The following CACNA1E variants were observed in gnomAD, a reference collection of about 807,000 sequenced individuals.
CACNA1E encodes the protein calcium voltage-gated channel subunit alpha1 E.
In CACNA1E, 40 loss-of-function variants were observed where a neutral mutation model predicts 259.2. The ratio of observed to expected loss-of-function variants is 0.15; its 90% CI spans 0.12 to 0.20. The LOEUF (loss-of-function observed/expected upper bound fraction) is 0.20, where lower values mean the gene tolerates loss of function less well. Ranked by LOEUF, CACNA1E falls within the 10% of genes least tolerant of loss-of-function variation. The pLI is 1.00. For missense variants in CACNA1E, 1,874 were observed against 3,040.1 expected, an observed-to-expected ratio of 0.62 and a Z score of 9.02; for synonymous variants, 1,104 against 1,138.5, an observed-to-expected ratio of 0.97 and a Z score of 0.61.
intron 3 of CACNA1E, among the ~76,000 whole-genome samples, chr1:181,566,943 G>A (rs1324499424): frequency 6.6e-6 from 1 of 151,988 alleles, no homozygotes; most frequent in Non-Finnish European, 1.5e-5. Context: ...GTTGCCACAG[G>A]TATCTAGTGG....
rs771977705 is a variant in CACNA1E, at chr1:181,719,747, C to G, written c.1639-4C>G. 44 of 1,557,760 alleles carry G rather than the reference C, an allele frequency of 2.8e-5. No individual in the cohort carries two copies. The South Asian group carries it at 5.1e-4, about 18-fold the overall frequency. Reference sequence around the variant, plus strand: ...TCTCACTGTGGCTGGCATTGCCTCTCTAGGTCACAGTGGGCAGTATCTTTG... The same window carrying G: ...TCTCACTGTGGCTGGCATTGCCTCTGTAGGTCACAGTGGGCAGTATCTTTG... On this transcript the variant is annotated splice_polypyrimidine_tract_variant and splice_region_variant and intron_variant, in intron 12 of 47. Transcript: ENST00000367573.
At chr1:181,514,352 G>A (rs534092387) in intron 3 of CACNA1E, among the ~76,000 whole-genome samples, 1 of 152,290 alleles carries the variant, frequency 6.6e-6, no homozygotes, top group African/African-American at 2.4e-5. Flanking sequence ...TACCAACCAG[G>A]GAGGCAGGCA....
At chr1:181,478,137 A>G (rs1662985262) in intron 2 of CACNA1E, among the ~76,000 whole-genome samples, 1 of 152,238 alleles carries the variant, frequency 6.6e-6, no homozygotes, top group Non-Finnish European at 1.5e-5. Flanking sequence ...GGGTGTTCAG[A>G]TAACAGGATG....
intron 3 of CACNA1E, among the ~76,000 whole-genome samples, chr1:181,569,362 T>C (rs767921910): frequency 6.6e-5 from 10 of 152,206 alleles, no homozygotes; most frequent in African/African-American, 9.6e-5. Flanking sequence ...CTTGCAGCCA[T>C]CTGGGCTGGG....
chr1:181,583,557 T>A (rs112800366), intron 6 of CACNA1E, among the ~76,000 whole-genome samples: 2,392 of 152,348 alleles, frequency 0.016, 23 homozygotes, highest in Middle Eastern at 0.048. Context: ...TTAACCTTTT[T>A]ATATGCAATG....
At chr1:181,606,998 C>A (rs577047764) in intron 6 of CACNA1E, among the ~76,000 whole-genome samples, 1 of 152,314 alleles carries the variant, frequency 6.6e-6, no homozygotes, top group South Asian at 2.1e-4. Context: ...GGAATACTTA[C>A]CACCATTGTA....
chr1:181,570,028 A>G (rs1354955667), intron 3 of CACNA1E, among the ~76,000 whole-genome samples: 1 of 152,134 alleles, frequency 6.6e-6, no homozygotes, highest in East Asian at 1.9e-4. Context: ...GTGTTGGCTC[A>G]CAGAGTTAGA....
chr1:181,762,241 T>A (rs1456165889), intron 32 of CACNA1E, among the ~76,000 whole-genome samples: 5 of 152,356 alleles, frequency 3.3e-5, no homozygotes, highest in Admixed American at 1.3e-4. Flanking sequence ...CAATCATGCC[T>A]CCATAGAGGT....
rs144883324 is a variant in CACNA1E, at chr1:181,396,012, C to T, written c.-14-17121C>T. ...GCTAGTCCTGACTCATGATCTCTTG[C>T]GGGTTGAAATTAAGTTGTTAGCTGT... On this transcript the variant is annotated intron_variant, in intron 1 of 11. Transcript: ENST00000524607. 2.7e-3 allele frequency among the ~76,000 whole-genome samples: 410 copies of T among 152,254 alleles called. 2 individuals carry two copies. The highest frequency in any genetic ancestry group is 8.1e-3 in the African/African-American group (338 of 41,548).
chr1:181,364,998 C>G (rs369152606), intron 1 of CACNA1E, among the ~76,000 whole-genome samples: 24 of 152,106 alleles, frequency 1.6e-4, no homozygotes, highest in Non-Finnish European at 2.5e-4. Context: ...GCCAAGCCAC[C>G]CCTGTCCCAT....
At chr1:181,481,910 G>A (rs534110392), upstream of CACNA1E, among the ~76,000 whole-genome samples, 1 of 152,262 alleles carries the variant, frequency 6.6e-6, no homozygotes, top group South Asian at 2.1e-4. Flanking sequence ...ATGGGGGGCG[G>A]GAGGATCCTT....
At chr1:181,571,119 A>AT (rs149150298) in intron 3 of CACNA1E, among the ~76,000 whole-genome samples, 13,719 of 151,682 alleles carry the variant, frequency 0.09, 710 homozygotes, top group South Asian at 0.22. Context: ...TACAAGCATT[A>AT]TTTTTTTTTA....
At chr1:181,735,464 G>A (rs1655948857) in intron 21 of CACNA1E, among the ~76,000 whole-genome samples, 4 of 152,200 alleles carry the variant, frequency 2.6e-5, no homozygotes, top group Admixed American at 2.6e-4. Flanking sequence ...TCAATGAGCA[G>A]GGAGCAGTGG....
intron 1 of CACNA1E, among the ~76,000 whole-genome samples, chr1:181,366,861 A>G (rs1426894419): frequency 6.6e-6 from 1 of 152,198 alleles, no homozygotes; most frequent in Admixed American, 6.5e-5. Flanking sequence ...TTGGCACTTA[A>G]CCTGTATGAT....
chr1:181,396,273 G>A (rs1305866997), intron 1 of CACNA1E, among the ~76,000 whole-genome samples: 3 of 152,226 alleles, frequency 2.0e-5, no homozygotes, highest in Non-Finnish European at 4.4e-5. Flanking sequence ...CATCACCTCT[G>A]AATGTTCTTG....
chr1:181,762,544 G>A, intron 32 of CACNA1E, 30 bp from the exon 33 acceptor site: 1 of 1,269,312 alleles, frequency 7.9e-7, no homozygotes, highest in Non-Finnish European at 1.1e-6. Flanking sequence ...TTCCTTTTCT[G>A]ATGTTCCTAT....
chr1:181,774,155 A>G lies in CACNA1E; in HGVS notation c.5139+1924A>G, dbSNP rs563474777. Among the ~76,000 whole-genome samples the G allele has an allele frequency of 1.1e-4, 17 of 152,384 alleles. No individual in the cohort carries two copies. The East Asian group carries it at 2.9e-3, about 26-fold the overall frequency. ...AAAGAGTTGGAGCAAGCGTAACAACAAGTAATAGGTGTGACTGCACACGCT... is the reference window on the plus strand; with the variant it reads ...AAAGAGTTGGAGCAAGCGTAACAACGAGTAATAGGTGTGACTGCACACGCT... On this transcript the variant is annotated intron_variant, in intron 37 of 47. Coordinates refer to ENST00000367573, the MANE Select transcript of CACNA1E (RefSeq NM_001205293.3).
chr1:181,722,818 C>T (rs551358558), intron 16 of CACNA1E, among the ~76,000 whole-genome samples: 17 of 152,206 alleles, frequency 1.1e-4, no homozygotes, highest in South Asian at 2.1e-4. Context: ...TGCTGTTTTA[C>T]GTTTTCTACC....
intron 1 of CACNA1E, among the ~76,000 whole-genome samples, chr1:181,342,853 A>T (rs1224561310): frequency 6.6e-6 from 1 of 152,118 alleles, no homozygotes; most frequent in Non-Finnish European, 1.5e-5. Context: ...ACATGTGCTC[A>T]CTTCGTATGG....
Sources: gnomAD v4.1 joint callset for allele counts (sites outside exome capture counted in the v4.1 genomes callset) on GRCh38, gnomAD v4.1.1 for gene constraint, MANE v1.5 for transcripts, NCBI Gene and HGNC (gene_info 2026-07-23, HGNC 2026-07-21) for gene names.